The following MAGI1 variants were observed in gnomAD, a reference collection of about 807,000 sequenced individuals.
MAGI1 encodes the protein membrane associated guanylate kinase, WW and PDZ domain containing 1, also known as membrane-associated guanylate kinase, WW and PDZ domain-containing protein 1.
In MAGI1, 58 loss-of-function variants were observed where a neutral mutation model predicts 139.9. That is an observed-to-expected ratio of 0.41 (90% CI 0.34 to 0.52). MAGI1 has a LOEUF of 0.52. Ranked by LOEUF, MAGI1 falls within the 20% of genes least tolerant of loss-of-function variation. The pLI is 0.12. For missense variants in MAGI1, 1,874 were observed against 1,901.6 expected (o/e 0.99, Z 0.27); for synonymous variants, 812 against 737.9 (o/e 1.10, Z -1.63).
intron 5 of MAGI1, among the ~76,000 whole-genome samples, chr3:65,459,115 T>G: frequency 6.6e-6 from 1 of 152,280 alleles, no homozygotes; most frequent in Admixed American, 6.5e-5. Flanking sequence ...TCACCGTAGA[T>G]GTATGGATTT....
chr3:65,625,488 G>T (rs2083922639), intron 1 of MAGI1, among the ~76,000 whole-genome samples: 1 of 152,130 alleles, frequency 6.6e-6, no homozygotes, highest in Non-Finnish European at 1.5e-5. Context: ...TCTGAGAACA[G>T]GGCTTAATCT....
intron 2 of MAGI1, among the ~76,000 whole-genome samples, chr3:65,557,775 A>T (rs1337250213): frequency 6.6e-6 from 1 of 152,192 alleles, no homozygotes; most frequent in African/African-American, 2.4e-5. Flanking sequence ...AGGTGGGTGA[A>T]TTAATTGTCC....
intron 1 of MAGI1, among the ~76,000 whole-genome samples, chr3:65,712,213 A>G (rs73832929): frequency 0.011 from 1,750 of 152,190 alleles, 32 homozygotes; most frequent in African/African-American, 0.04. Flanking sequence ...GACAGTTTCC[A>G]GGTCAAAGGG....
chr3:65,898,498 CAACAA>C (rs897676905), intron 1 of MAGI1, among the ~76,000 whole-genome samples: 6 of 151,910 alleles, frequency 3.9e-5, no homozygotes, highest in Non-Finnish European at 5.9e-5. Context: ...TAAAGAAAAA[CAACAA>C]AACAAAACAA....
chr3:65,519,802 T>C (rs144969948), intron 2 of MAGI1, among the ~76,000 whole-genome samples: 2,093 of 152,268 alleles, frequency 0.014, 14 homozygotes, highest in Non-Finnish European at 0.022. Context: ...AAGTTACAGA[T>C]TGTGATAGGT....
At chr3:65,387,811 C>T (rs1943576110) in intron 14 of MAGI1, among the ~76,000 whole-genome samples, 1 of 152,208 alleles carries the variant, frequency 6.6e-6, no homozygotes, top group African/African-American at 2.4e-5. Flanking sequence ...CTTAAGCTCA[C>T]TATGATAAAG....
intron 1 of MAGI1, among the ~76,000 whole-genome samples, chr3:65,754,892 A>G (rs866774707): frequency 1.3e-5 from 2 of 152,176 alleles, no homozygotes; most frequent in Non-Finnish European, 1.5e-5. Flanking sequence ...GAGGTGAGGA[A>G]GGGGCTGGCC....
chr3:65,453,172 G>A (rs1275979539), intron 6 of MAGI1, 86 bp downstream of exon 6: 29 of 1,168,798 alleles, frequency 2.5e-5, no homozygotes, highest in East Asian at 1.2e-4. Context: ...CATAAGACCC[G>A]ACTGACCTGG....
At chr3:65,838,915 T>C (rs528999347) in intron 1 of MAGI1, among the ~76,000 whole-genome samples, 1 of 152,374 alleles carries the variant, frequency 6.6e-6, no homozygotes, top group African/African-American at 2.4e-5. Context: ...TTATTTCAGC[T>C]GTTCTCTGTG....
At chr3:65,984,298 CTA>C (rs1423043672) in intron 1 of MAGI1, among the ~76,000 whole-genome samples, 1 of 151,998 alleles carries the variant, frequency 6.6e-6, no homozygotes, top group African/African-American at 2.4e-5. Context: ...CATCTAAAAA[CTA>C]TATAAATAGT....
chr3:66,037,035 G>C (rs968218900), intron 1 of MAGI1, among the ~76,000 whole-genome samples: 10 of 152,218 alleles, frequency 6.6e-5, no homozygotes, highest in East Asian at 1.9e-4. Flanking sequence ...CCTTCAGTGC[G>C]GTAGGGTCAT....
Position 66,038,333 on chromosome 3 carries a change from AAAAT to A in MAGI1, c.-29_-26del. Reference sequence around the variant, plus strand: ...TGATGAGTTACACCCCTCCTCCAAAAAAATAAAACGAGAGACAGGTGCCCCCCAC... The same window carrying A: ...TGATGAGTTACACCCCTCCTCCAAAAAAAACGAGAGACAGGTGCCCCCCAC... On this transcript the variant is annotated 5_prime_UTR_variant, in exon 1 of 23. The change creates a premature stop within an existing upstream ORF in the 5' untranslated region. Transcript: ENST00000402939. The A allele has an allele frequency of 6.6e-7, 1 of 1,520,830 alleles. No homozygotes were observed. Among genetic ancestry groups the A allele is most frequent in the South Asian group, 1.3e-5 (1 of 77,308 alleles). The allele number at this position is 1,520,830 out of a possible 1,614,324, so 94.2% of individuals were successfully genotyped here.
intron 12 of MAGI1, among the ~76,000 whole-genome samples, chr3:65,405,141 T>C (rs1197918669): frequency 1.3e-5 from 2 of 152,108 alleles, no homozygotes; most frequent in Non-Finnish European, 2.9e-5. Context: ...TCCAGGGAAG[T>C]GTATGTTCAA....
intron 2 of MAGI1, among the ~76,000 whole-genome samples, chr3:65,566,774 C>T (rs367837063): frequency 6.6e-6 from 1 of 152,088 alleles, no homozygotes; most frequent in Non-Finnish European, 1.5e-5. Context: ...CTGGCAGGAC[C>T]TCTGAGATGT....
intron 1 of MAGI1, among the ~76,000 whole-genome samples, chr3:65,940,853 C>A (rs543470378): frequency 2.0e-4 from 31 of 152,138 alleles, no homozygotes; most frequent in Non-Finnish European, 4.4e-4. Flanking sequence ...GATCTCTCAA[C>A]TCCTCACAAA....
At chr3:65,662,094 A>G (rs1166908668) in intron 1 of MAGI1, among the ~76,000 whole-genome samples, 2 of 152,032 alleles carry the variant, frequency 1.3e-5, no homozygotes, top group East Asian at 3.9e-4. Flanking sequence ...AAACAGAGGA[A>G]TTACCAAGAA....
At chr3:65,440,147 T>A in intron 8 of MAGI1, 135 bp from the exon 9 acceptor site, 1 of 971,642 alleles carries the variant, frequency 1.0e-6, no homozygotes, top group Non-Finnish European at 1.6e-6. Context: ...GTTAAAATGC[T>A]CAGTTAGAAA....
At chr3:65,926,325 T>TTTTCTC (rs1553731189) in intron 1 of MAGI1, among the ~76,000 whole-genome samples, 53 of 79,996 alleles carry the variant, frequency 6.6e-4, no homozygotes, top group East Asian at 3.5e-3. Flanking sequence ...TGAAGTCTTC[T>TTTTCTC]TTTCTCTCTC....
At chr3:65,765,257 T>G (rs1477638339) in intron 1 of MAGI1, among the ~76,000 whole-genome samples, 1 of 152,318 alleles carries the variant, frequency 6.6e-6, no homozygotes, top group Non-Finnish European at 1.5e-5. Flanking sequence ...GGTCTGGTTT[T>G]GGGAATGAAC....
Sources: gnomAD v4.1 joint callset for allele counts (sites outside exome capture counted in the v4.1 genomes callset) on GRCh38, gnomAD v4.1.1 for gene constraint, MANE v1.5 for transcripts, NCBI Gene and HGNC (gene_info 2026-07-23, HGNC 2026-07-21) for gene names.